Variants in BEND2 observed in about 807,000 individuals in gnomAD.
BEND2 encodes BEN domain-containing protein 2.
In BEND2, 19 loss-of-function variants were observed where a neutral mutation model predicts 43.8. That is an observed-to-expected ratio of 0.43 (90% CI 0.30 to 0.64). The LOEUF is 0.64. BEND2 is among the 30% of genes least tolerant of loss of function. The pLI is 0.11. For missense variants in BEND2, 544 were observed against 574.0 expected (o/e 0.95, Z 0.53); for synonymous variants, 226 against 210.1 (o/e 1.08, Z -0.66).
chrX:18,166,874 G>C lies in BEND2; in HGVS notation c.2186-1651C>G, dbSNP rs755257717. On this transcript the variant is annotated intron_variant, in intron 13 of 13. Transcript: ENST00000380033. ...CACTGTACTCCAGCCTGGGCAACGG[G>C]AATGAGACCCTGTCTCCAAAATAAA... 4.7e-3 allele frequency among the ~76,000 whole-genome samples: 517 copies of C among 109,286 alleles called. 10 individuals carry two copies. The highest frequency in any genetic ancestry group is 0.016 in the African/African-American group (490 of 30,018). The allele number at this position is 109,286 out of a possible 115,157, so 94.9% of individuals were successfully genotyped here.
intron 13 of BEND2, among the ~76,000 whole-genome samples, chrX:18,170,511 T>C (rs1923940219): frequency 8.9e-6 from 1 of 112,556 alleles, no homozygotes; most frequent in Non-Finnish European, 1.9e-5. Context: ...GTAAGAAATA[T>C]TTTGCTTCCG....
chrX:18,177,652 T>C lies in BEND2; in HGVS notation c.1547A>G (p.Lys516Arg). The C allele has an allele frequency of 8.3e-7, 1 of 1,211,515 alleles. No homozygotes were observed. Among genetic ancestry groups the C allele is most frequent in the Non-Finnish European group, 1.1e-6 (1 of 895,194 alleles). ...CACTGAGCTGCTAATCAGGATTTCC[T>C]TGGAGAACAAAATACGAACCAAGTA... ...ACYLVRILFS[K>R]EILISSSVDI... The change falls in exon 10 of 14, where the codon AAG (lysine) becomes AGG (arginine). Residue 516 changes from lysine (K) to arginine (R), a missense_variant. By Grantham distance (26) the Lys-to-Arg change is conservative. Transcript: ENST00000380033.
At position 18,176,069 on chromosome X, in the gene BEND2, G is replaced by C; in HGVS notation, c.1655C>G (p.Thr552Ser). ...LREYLATTFP[T>S]CDLHEHGKDW... ...TTTTCCATGTTCATGCAAATCACAG[G>C]TGGGAAAAGTTGTTGCCAGATATTC... The change falls in exon 11 of 14, where the codon ACC becomes AGC. Residue 552 changes from threonine (T) to serine (S), a missense_variant. By Grantham distance (58) the Thr-to-Ser change is moderately conservative. Transcript: ENST00000380033. The C allele has an allele frequency of 1.7e-6, 2 of 1,197,894 alleles. No homozygotes were observed. The highest frequency in any genetic ancestry group is 3.8e-5 in the South Asian group (2 of 53,197).
At chrX:18,170,343 T>G (rs777256578) in intron 13 of BEND2, among the ~76,000 whole-genome samples, 5 of 112,223 alleles carry the variant, frequency 4.5e-5, no homozygotes, top group African/African-American at 1.6e-4. Flanking sequence ...TTGGGTTAGA[T>G]GATAACAAAT....
chrX:18,166,469 A>G (rs1487876803), intron 13 of BEND2, among the ~76,000 whole-genome samples: 2 of 111,874 alleles, frequency 1.8e-5, no homozygotes, highest in East Asian at 2.8e-4. Context: ...AGAAAAGATA[A>G]GTGGAGCCTC....
intron 8 of BEND2, among the ~76,000 whole-genome samples, chrX:18,189,408 G>C (rs1924684373): frequency 9.0e-6 from 1 of 110,574 alleles, no homozygotes; most frequent in Admixed American, 9.7e-5. Flanking sequence ...TACTTGGGAG[G>C]CTGAGTTGGG....
chrX:18,181,367 G>T (rs1299811903), intron 8 of BEND2, among the ~76,000 whole-genome samples: 1 of 111,194 alleles, frequency 9.0e-6, no homozygotes, highest in African/African-American at 3.3e-5. Context: ...CTTCACATGA[G>T]TATCCTTAGC....
rs1387069276 is a variant in BEND2, at chrX:18,220,644, G to A, written c.25+82C>T. Reference sequence around the variant, plus strand: ...TAGCCAATCCTGCCGCCCCTGAATGGCCACCTAAGTGGGTGCCATCCAGAC... The same window carrying A: ...TAGCCAATCCTGCCGCCCCTGAATGACCACCTAAGTGGGTGCCATCCAGAC... On this transcript the variant is annotated intron_variant, in intron 1 of 13. Coordinates refer to ENST00000380033, the MANE Select transcript of BEND2 (RefSeq NM_153346.5). 7 of 1,163,816 alleles carry A rather than the reference G, an allele frequency of 6.0e-6. No homozygotes were observed. The Admixed American group carries it at 1.3e-4, about 22-fold the overall frequency.
intron 13 of BEND2, among the ~76,000 whole-genome samples, chrX:18,168,025 G>T (rs1923868261): frequency 8.9e-6 from 1 of 112,632 alleles, no homozygotes; most frequent in Admixed American, 9.4e-5. Flanking sequence ...ATTCTGGAGG[G>T]AAATGTTAAT....
At chrX:18,178,268 T>C (rs1219370527) in intron 9 of BEND2, among the ~76,000 whole-genome samples, 1 of 111,780 alleles carries the variant, frequency 8.9e-6, no homozygotes, top group Non-Finnish European at 1.9e-5. Context: ...ATCAGGCATG[T>C]GCTAAATATT....
At chrX:18,173,397 C>T (rs183858695) in intron 12 of BEND2, among the ~76,000 whole-genome samples, 3 of 112,071 alleles carry the variant, frequency 2.7e-5, no homozygotes, top group Non-Finnish European at 5.6e-5. Flanking sequence ...TCAATAATTT[C>T]GTTTGAAAAG....
chrX:18,185,413 C>A (rs1472693422), intron 8 of BEND2, among the ~76,000 whole-genome samples: 3 of 108,786 alleles, frequency 2.8e-5, no homozygotes, highest in Non-Finnish European at 5.7e-5. Context: ...TGCCTATAAT[C>A]CCAGCTACTT....
intron 6 of BEND2, among the ~76,000 whole-genome samples, chrX:18,196,694 GA>G (rs59301009): frequency 0.24 from 17,023 of 70,975 alleles, 1,383 homozygotes; most frequent in East Asian, 0.39. Flanking sequence ...CATACTGACT[GA>G]AAAAAAAAAA....
chrX:18,178,261 AG>A (rs1440965166), intron 9 of BEND2, among the ~76,000 whole-genome samples: 1 of 111,815 alleles, frequency 8.9e-6, no homozygotes, highest in Non-Finnish European at 1.9e-5. Context: ...CCTGTATATC[AG>A]GCATGTGCTA....
At chrX:18,180,482 C>T (rs757356674) in intron 9 of BEND2, 28 bp downstream of exon 9, 2 of 1,206,583 alleles carry the variant, frequency 1.7e-6, no homozygotes, top group Non-Finnish European at 2.2e-6. Context: ...AATAGTGCCA[C>T]TTATAATGTG....
At chrX:18,216,802 C>T (rs5909422) in intron 1 of BEND2, 69 bp from the exon 2 acceptor site, 13,600 of 835,966 alleles carry the variant, frequency 0.016, 105 homozygotes, top group Non-Finnish European at 0.02. Flanking sequence ...GAGGAAGCTA[C>T]CTTATAAAGT....
chrX:18,216,450 A>G (rs1925675321), intron 2 of BEND2, 71 bp downstream of exon 2: 2 of 959,708 alleles, frequency 2.1e-6, no homozygotes, highest in African/African-American at 3.9e-5. Context: ...TTACAGGAAT[A>G]TTTAAGCAAT....
At position 18,212,643 on chromosome X, in the gene BEND2, G is replaced by A. The variant is rs1463739439; in HGVS notation, c.414C>T (p.His138=). Residue 138 remains histidine (H), a synonymous_variant, in exon 4 of 14, where the codon CAC becomes CAT. Transcript: ENST00000380033. ...HGDQIVSQIN[H]PVHLRRYSYN... is the part of the protein sequence containing the mutation. ...AACTGTATCTTCTTAAATGTACTGGGTGGTTTATCTGTGAAACTATTTGGT... is the reference window on the plus strand; with the variant it reads ...AACTGTATCTTCTTAAATGTACTGGATGGTTTATCTGTGAAACTATTTGGT... 4 of 1,207,984 alleles carry A rather than the reference G, an allele frequency of 3.3e-6. No homozygotes were observed. Among genetic ancestry groups the A allele is most frequent in the Non-Finnish European group, 3.4e-6 (3 of 893,974 alleles).
intron 13 of BEND2, among the ~76,000 whole-genome samples, chrX:18,165,593 T>C (rs930645871): frequency 1.8e-5 from 2 of 111,936 alleles, no homozygotes; most frequent in African/African-American, 6.5e-5. Context: ...GCCTCTGCAA[T>C]GAACAAGAGG....
Sources: gnomAD v4.1 joint callset for allele counts (sites outside exome capture counted in the v4.1 genomes callset) on GRCh38, gnomAD v4.1.1 for gene constraint, MANE v1.5 for transcripts, NCBI Gene and HGNC (gene_info 2026-07-23, HGNC 2026-07-21) for gene names.